Variants in BRD9 observed in about 807,000 individuals in gnomAD.
BRD9 encodes bromodomain-containing protein 9.
BRD9 carries 47 observed loss-of-function variants against 68.7 expected under a neutral mutation model. The ratio of observed to expected loss-of-function variants is 0.68; its 90% CI spans 0.54 to 0.87. The LOEUF (loss-of-function observed/expected upper bound fraction) is 0.87. Ranked by LOEUF, BRD9 falls within the 40% of genes least tolerant of loss-of-function variation. The pLI, the probability that BRD9 is intolerant of heterozygous loss-of-function variation, is 0.00. For missense variants in BRD9, 670 were observed against 748.4 expected, an observed-to-expected ratio of 0.90 and a Z score of 1.22; for synonymous variants, 313 against 293.9, an observed-to-expected ratio of 1.06 and a Z score of -0.67.
intron 2 of BRD9, 87 bp downstream of exon 2, chr5:891,553 G>A: frequency 6.7e-7 from 1 of 1,494,698 alleles, no homozygotes; most frequent in Non-Finnish European, 8.9e-7. Flanking sequence ...CTCCAGCCAC[G>A]CAGGCGCACT....
chr5:873,464 T>C (rs549359088), intron 12 of BRD9, among the ~76,000 whole-genome samples: 67 of 152,324 alleles, frequency 4.4e-4, no homozygotes, highest in African/African-American at 1.5e-3. Context: ...CAGAAAACCT[T>C]TGAATCCACC....
intron 2 of BRD9, 155 bp downstream of exon 2, chr5:891,485 T>C (rs1458431130): frequency 7.5e-7 from 1 of 1,336,790 alleles, no homozygotes; most frequent in East Asian, 2.5e-5. Context: ...ATCCTGGAAC[T>C]GAGTCTGCGG....
intron 12 of BRD9, among the ~76,000 whole-genome samples, chr5:874,113 TTA>T (rs1259577854): frequency 6.6e-6 from 1 of 152,202 alleles, no homozygotes; most frequent in Non-Finnish European, 1.5e-5. Context: ...AAATGTTTTT[TTA>T]TCTTTTTTTT....
At position 891,748 on chromosome 5, in the gene BRD9, A is replaced by C. The variant is rs903765853; in HGVS notation, c.159T>G (p.Asp53Glu). 16 of 1,551,308 alleles carry C rather than the reference A, an allele frequency of 1.0e-5. No individual in the cohort carries two copies. Among genetic ancestry groups the C allele is most frequent in the Admixed American group, 3.9e-5 (2 of 50,972 alleles). ...TCTCTCGCTCATGGTCTGACCTGTC[A>C]TCATAGTAACTGGAGTCGTGGCCGG... ...SGSGHDSSYY[D>E]DRSDHERERH... is the part of the protein sequence containing the mutation. Residue 53 changes from aspartate to glutamate, a missense_variant, in exon 2 of 16, where the codon GAT becomes GAG. Coordinates refer to ENST00000467963, the MANE Select transcript of BRD9 (RefSeq NM_023924.5).
chr5:892,245 A>G (rs1753544800), intron 1 of BRD9: 1 of 452,338 alleles, frequency 2.2e-6, no homozygotes, highest in Non-Finnish European at 3.9e-6. Flanking sequence ...GCTGACACCC[A>G]TGGAGCTGCT....
intron 11 of BRD9, among the ~76,000 whole-genome samples, chr5:876,918 G>T (rs972751849): frequency 6.6e-6 from 1 of 152,194 alleles, no homozygotes; most frequent in African/African-American, 2.4e-5. Flanking sequence ...CTCGCAGCGT[G>T]CACGGAAGCA....
Position 886,237 on chromosome 5 carries a change from T to A in BRD9, c.833+355A>T, listed in dbSNP as rs143533108. 1.8e-3 allele frequency among the ~76,000 whole-genome samples: 271 copies of A among 152,312 alleles called. 2 individuals carry two copies. Among genetic ancestry groups the A allele is most frequent in the African/African-American group, 6.3e-3 (261 of 41,566 alleles). On this transcript the variant is annotated intron_variant, in intron 7 of 15. Transcript: ENST00000467963. ...TGGCTGCCCAAAGTCAGCCCGCTTG[T>A]GCGGCACAGTCTGGGACAAGGGCAC...
chr5:891,591 C>G (rs1252351617), intron 2 of BRD9, 49 bp downstream of exon 2: 3 of 1,538,090 alleles, frequency 2.0e-6, no homozygotes, highest in Admixed American at 4.1e-5. Context: ...CCAGGCTCCC[C>G]ACGGGCTCCT....
intron 3 of BRD9, among the ~76,000 whole-genome samples, chr5:890,842 C>T (rs1043346932): frequency 3.3e-5 from 5 of 152,206 alleles, no homozygotes; most frequent in African/African-American, 1.2e-4. Context: ...TTGCGGGTCA[C>T]ATACGATTGG....
At chr5:874,746 G>T (rs530670449) in intron 12 of BRD9, among the ~76,000 whole-genome samples, 15 of 152,232 alleles carry the variant, frequency 9.9e-5, no homozygotes, top group South Asian at 6.2e-4. Flanking sequence ...TGAGCAGCGC[G>T]GGACGACATC....
chr5:891,329 C>A, intron 2 of BRD9, 42 bp from the exon 3 acceptor site: 3 of 1,542,614 alleles, frequency 1.9e-6, no homozygotes, highest in Non-Finnish European at 2.6e-6. Context: ...CAGGAGTAGG[C>A]GGGATCCGGA....
At chr5:888,887 TA>T in intron 5 of BRD9, 133 bp downstream of exon 5, 1 of 948,272 alleles carries the variant, frequency 1.1e-6, no homozygotes, top group Non-Finnish European at 1.5e-6. Context: ...GCTGTGTCTG[TA>T]AAACATCATC....
chr5:886,041 G>A (rs892267428), intron 7 of BRD9, among the ~76,000 whole-genome samples: 1 of 152,226 alleles, frequency 6.6e-6, no homozygotes, highest in Non-Finnish European at 1.5e-5. Context: ...GGAGGGAGCA[G>A]AGCTACAGGG....
chr5:878,218 G>T, intron 11 of BRD9, 137 bp downstream of exon 11: 1 of 1,287,522 alleles, frequency 7.8e-7, no homozygotes, highest in Non-Finnish European at 1.1e-6. Context: ...TGAAAGCAAC[G>T]GGAAGACCCA....
Position 881,141 on chromosome 5 carries a change from G to A in BRD9, c.1008C>T (p.Tyr336=). ...CCGGCTCGGCCGTGTTGACCACGCT[G>A]TAGAGCAGGCTCCCGTCCCCGTTCC... ...LKRNGDGSLL[Y]SVVNTAEPDA... is the part of the protein sequence containing the mutation. Residue 336 remains tyrosine (Y), a synonymous_variant, in exon 9 of 16, where the codon TAC becomes TAT. Transcript: ENST00000467963. The A allele has an allele frequency of 6.8e-6, 11 of 1,614,124 alleles. No individual in the cohort carries two copies. Among genetic ancestry groups the A allele is most frequent in the Non-Finnish European group, 9.3e-6 (11 of 1,180,048 alleles).
In BRD9 at chr5:870,483, G is replaced by C. The variant is rs769065238; in HGVS notation, c.1515C>G (p.Leu505=). 1.2e-6 allele frequency: 2 copies of C among 1,613,518 alleles called. No individual in the cohort carries two copies. The highest frequency in any genetic ancestry group is 1.7e-6 in the Non-Finnish European group (2 of 1,179,420). The part of the protein sequence containing the change: ...YPDVSVDISM[L]SSLGKVKKEL... ...CCTGTTACAACTCACCCAGAGAGCT[G>C]AGCATGGAGATATCCACAGAAACGT... Residue 505 remains leucine, a synonymous_variant, in exon 14 of 16, where the codon CTC becomes CTG. Coordinates refer to ENST00000467963, the MANE Select transcript of BRD9 (RefSeq NM_023924.5).
At chr5:866,404 C>CA (rs1312243237) in intron 14 of BRD9, 1 of 152,218 alleles carries the variant, frequency 6.6e-6, no homozygotes, top group Non-Finnish European at 1.5e-5. Context: ...AATCAGTAGA[C>CA]AAAGTGTAGT....
intron 11 of BRD9, among the ~76,000 whole-genome samples, chr5:877,685 C>T (rs1036001688): frequency 9.2e-5 from 14 of 152,180 alleles, no homozygotes; most frequent in African/African-American, 3.1e-4. Flanking sequence ...CTTTAGCCTG[C>T]CATGGCCTGA....
intron 6 of BRD9, 134 bp from the exon 7 acceptor site, chr5:886,841 G>C: frequency 6.8e-7 from 1 of 1,473,880 alleles, no homozygotes; most frequent in Non-Finnish European, 9.2e-7. Flanking sequence ...GATGGGATGG[G>C]ATGGGGATGG....
Sources: allele counts gnomAD v4.1 joint callset (sites outside exome capture counted in the v4.1 genomes callset), GRCh38; gene constraint gnomAD v4.1.1; transcripts MANE v1.5; gene names NCBI Gene and HGNC (gene_info 2026-07-23, HGNC 2026-07-21).